C1QTNF3: variants seen among roughly 807,000 people sequenced by gnomAD.
The protein encoded by C1QTNF3 is C1q and TNF related 3.
C1QTNF3 carries 26 observed loss-of-function variants against 32.6 expected under a neutral mutation model. The ratio of observed to expected loss-of-function variants is 0.80; its 90% confidence interval spans 0.58 to 1.11. C1QTNF3 has a LOEUF of 1.11. Among genes scored for constraint, C1QTNF3 ranks in the 50% least tolerant of loss-of-function variants. The probability of loss-of-function intolerance (pLI) is 0.00; values close to 1 mark genes in which losing one functional copy is unlikely to be tolerated. For missense variants in C1QTNF3, 362 were observed against 398.2 expected, an observed-to-expected ratio of 0.91 and a Z score of 0.77; for synonymous variants, 155 against 146.0, an observed-to-expected ratio of 1.06 and a Z score of -0.44.
At chr5:34,069,602 G>A in the C1QTNF3 span, among the ~76,000 whole-genome samples, 3 of 152,110 alleles carry the variant, frequency 2.0e-5, no homozygotes, top group Non-Finnish European at 4.4e-5. Context: ...TTAAAATACT[G>A]AGATTATTAA....
intron 4 of C1QTNF3, among the ~76,000 whole-genome samples, chr5:34,026,098 T>A (rs1754451834): frequency 1.3e-5 from 2 of 152,138 alleles, no homozygotes; most frequent in African/African-American, 4.8e-5. Context: ...TGAGTAGAAT[T>A]GAAAAACAAA....
chr5:34,116,740 G>A, the C1QTNF3 span, among the ~76,000 whole-genome samples: 6 of 151,710 alleles, frequency 4.0e-5, no homozygotes, highest in African/African-American at 9.7e-5. Flanking sequence ...GATTACAAGC[G>A]CCTGACACCA....
chr5:34,176,849 C>G, the C1QTNF3 span, among the ~76,000 whole-genome samples: 10 of 105,708 alleles, frequency 9.5e-5, no homozygotes, highest in South Asian at 3.2e-3. Context: ...AGAACAAGAC[C>G]CTATCTCATG....
At chr5:34,197,572 A>T in the C1QTNF3 span, among the ~76,000 whole-genome samples, 9 of 152,144 alleles carry the variant, frequency 5.9e-5, no homozygotes, top group Non-Finnish European at 1.2e-4. Flanking sequence ...TTAAAATAAC[A>T]AATATGTATG....
chr5:34,024,003 A>G lies in C1QTNF3; in HGVS notation c.706T>C (p.Tyr236His). 1 of 1,613,720 alleles carries G rather than the reference A, an allele frequency of 6.2e-7. No homozygotes were observed. The highest frequency in any genetic ancestry group is 8.5e-7 in the Non-Finnish European group (1 of 1,179,716). ...GRFGAPVSGV[Y>H]FFTFSMMKHE... The stretch of plus-strand genomic sequence containing the variant: ...TTCATCATGCTGAAGGTGAAGAAAT[A>G]CACACCTGAAAAAAGCAGGTATATA... The change falls in exon 5 of 6, where the codon TAT becomes CAT. Residue 236 changes from tyrosine (Y) to histidine (H), a missense_variant. By Grantham distance (83) the Tyr-to-His change is moderately conservative (BLOSUM62 2). Coordinates refer to ENST00000382065, the MANE Select transcript of C1QTNF3 (RefSeq NM_181435.6).
At chr5:34,126,522 C>T in the C1QTNF3 span, among the ~76,000 whole-genome samples, 2 of 147,878 alleles carry the variant, frequency 1.4e-5, no homozygotes, top group African/African-American at 4.9e-5. Flanking sequence ...ACAACCACTA[C>T]AGAAAACTGC....
Position 34,019,230 on chromosome 5 carries a change from GA to G in C1QTNF3, c.*1352del, listed in dbSNP as rs2112090471. Among the ~76,000 whole-genome samples the G allele has an allele frequency of 6.6e-6, 1 of 152,234 alleles. No homozygotes were observed. The highest frequency in any genetic ancestry group is 2.4e-5 in the African/African-American group (1 of 41,554). ...TTCCTTTTTAGCATCTCAGTTTTGGGACACTTGTGAAATCAGTCTTCCAAGT... is the reference window on the plus strand; with the variant it reads ...TTCCTTTTTAGCATCTCAGTTTTGGGCACTTGTGAAATCAGTCTTCCAAGT... On this transcript the variant is annotated 3_prime_UTR_variant, in exon 6 of 6. Coordinates refer to ENST00000382065, the MANE Select transcript of C1QTNF3 (RefSeq NM_181435.6).
At chr5:34,236,556 C>CTTTTTTGTTTT in the C1QTNF3 span, among the ~76,000 whole-genome samples, 1 of 104,348 alleles carries the variant, frequency 9.6e-6, no homozygotes, top group Non-Finnish European at 1.9e-5. Context: ...AGTTAATTTT[C>CTTTTTTGTTTT]TTTTTTCTTT....
the C1QTNF3 span, among the ~76,000 whole-genome samples, chr5:34,055,232 G>A: frequency 6.6e-6 from 1 of 152,152 alleles, no homozygotes; most frequent in African/African-American, 2.4e-5. Context: ...CCAAATTCCT[G>A]GGTAGGAGTT....
At chr5:34,155,600 A>G in the C1QTNF3 span, among the ~76,000 whole-genome samples, 2 of 152,238 alleles carry the variant, frequency 1.3e-5, no homozygotes, top group Admixed American at 1.3e-4. Context: ...GTTAGTTTAA[A>G]AAAGTCAGCA....
chr5:34,159,617 A>C, the C1QTNF3 span, among the ~76,000 whole-genome samples: 2 of 152,050 alleles, frequency 1.3e-5, no homozygotes, highest in East Asian at 3.9e-4. Context: ...AAATTTTTAA[A>C]ATTTAACTTT....
the C1QTNF3 span, among the ~76,000 whole-genome samples, chr5:34,060,977 A>AG: frequency 1.3e-5 from 2 of 152,220 alleles, no homozygotes; most frequent in Admixed American, 1.3e-4. Flanking sequence ...GTCTCATCCA[A>AG]GACAAGGCAA....
chr5:34,078,069 A>G, the C1QTNF3 span, among the ~76,000 whole-genome samples: 1 of 151,482 alleles, frequency 6.6e-6, no homozygotes, highest in African/African-American at 2.4e-5. This position sits in a 1 kb window ranked among gnomAD's most constrained non-coding sequence, Gnocchi z 4.0. Context: ...AGCTATACCT[A>G]ATGTAAAGAT....
At chr5:34,209,233 A>T in the C1QTNF3 span, among the ~76,000 whole-genome samples, 1 of 151,940 alleles carries the variant, frequency 6.6e-6, no homozygotes, top group South Asian at 2.1e-4. Context: ...TCATTGTTTT[A>T]CTCTTACTTA....
chr5:34,232,644 G>C, the C1QTNF3 span, among the ~76,000 whole-genome samples: 1,758 of 150,990 alleles, frequency 0.012, 39 homozygotes, highest in African/African-American at 0.041. Context: ...GAAGAACCTT[G>C]TTTCCCCTTT....
chr5:34,229,614 G>A, the C1QTNF3 span, among the ~76,000 whole-genome samples: 14 of 152,126 alleles, frequency 9.2e-5, no homozygotes, highest in Non-Finnish European at 7.4e-5. Flanking sequence ...ATGGCCAAAT[G>A]CAATCGTAAG....
the C1QTNF3 span, among the ~76,000 whole-genome samples, chr5:34,136,145 A>C: frequency 1.3e-5 from 2 of 152,242 alleles, no homozygotes; most frequent in African/African-American, 4.8e-5. Flanking sequence ...CAAAATTGAC[A>C]AATGGGATCT....
chr5:34,070,838 A>G, the C1QTNF3 span, among the ~76,000 whole-genome samples: 1 of 152,134 alleles, frequency 6.6e-6, no homozygotes, highest in Non-Finnish European at 1.5e-5. Context: ...TAAGCAATTT[A>G]TTTTAGGCTA....
chr5:34,178,201 A>C, the C1QTNF3 span, among the ~76,000 whole-genome samples: 1 of 151,656 alleles, frequency 6.6e-6, no homozygotes. Flanking sequence ...GAATTGCTTG[A>C]ACCTGGGAGG....
Sources: allele counts gnomAD v4.1 joint callset (sites outside exome capture counted in the v4.1 genomes callset), GRCh38; gene constraint gnomAD v4.1.1; non-coding constraint Gnocchi (gnomAD v3.1); transcripts MANE v1.5; gene names NCBI Gene and HGNC (gene_info 2026-07-23, HGNC 2026-07-21).